Variants in RALGAPA2 observed in about 807,000 individuals in gnomAD.
RALGAPA2 encodes the protein ral GTPase-activating protein subunit alpha-2.
Under a neutral mutation model 230.4 loss-of-function variants are expected in RALGAPA2, and 139 were observed. The observed-to-expected ratio is 0.60, with a 90% confidence interval of 0.53 to 0.69. The LOEUF (loss-of-function observed/expected upper bound fraction) is 0.69. Among genes scored for constraint, RALGAPA2 ranks in the 30% least tolerant of loss-of-function variants. RALGAPA2 has a pLI of 0.00. For synonymous variants in RALGAPA2, 847 were observed against 837.8 expected (o/e 1.01, Z -0.19); for missense variants, 2,163 against 2,276.0 (o/e 0.95, Z 1.01).
intron 10 of RALGAPA2, among the ~76,000 whole-genome samples, chr20:20,626,222 T>A (rs2066485848): frequency 6.6e-6 from 1 of 152,232 alleles, no homozygotes; most frequent in Admixed American, 6.5e-5. Flanking sequence ...TCACATTTTG[T>A]TTTCCATAAA....
chr20:20,540,852 C>G (rs2063623631), intron 24 of RALGAPA2, among the ~76,000 whole-genome samples: 1 of 151,380 alleles, frequency 6.6e-6, no homozygotes, highest in African/African-American at 2.4e-5. Flanking sequence ...CATATTGATC[C>G]TTATCAATAT....
intron 36 of RALGAPA2, among the ~76,000 whole-genome samples, chr20:20,476,939 A>G (rs1012858196): frequency 8.5e-5 from 13 of 152,166 alleles, no homozygotes; most frequent in Admixed American, 3.9e-4. Flanking sequence ...TAATCCAAAT[A>G]TAATGACAAG....
chr20:20,390,344 A>T lies in RALGAPA2; in HGVS notation c.*2945T>A, dbSNP rs2059584174. The T allele has an allele frequency of 6.6e-6, 1 of 152,224 alleles. No homozygotes were observed. Among genetic ancestry groups the T allele is most frequent in the Non-Finnish European group, 1.5e-5 (1 of 68,052 alleles). The allele number at this position is 152,224 out of a possible 1,614,324, so 9.4% of individuals were successfully genotyped here. On this transcript the variant is annotated 3_prime_UTR_variant, in exon 40 of 40. Transcript: ENST00000202677. ...TTTGTTGCTGAGGCAACCCAGGCTA[A>T]ATTTCTTCACTTCTGTCTGCTGAAG...
At chr20:20,500,022 T>C (rs1051992650) in intron 35 of RALGAPA2, among the ~76,000 whole-genome samples, 2 of 152,234 alleles carry the variant, frequency 1.3e-5, no homozygotes, top group African/African-American at 2.4e-5. Flanking sequence ...AAATGTGCAA[T>C]AGCATTATTT....
In RALGAPA2 at chr20:20,621,761, G is replaced by A. The variant is rs577949453; in HGVS notation, c.1234-1131C>T. Among the ~76,000 whole-genome samples, 4 of 152,228 alleles carry A rather than the reference G, an allele frequency of 2.6e-5. No individual in the cohort carries two copies. In the East Asian group the frequency reaches 5.8e-4, roughly 22 times the overall value. On this transcript the variant is annotated intron_variant, in intron 10 of 39. Transcript: ENST00000202677. ...TAAAGGAGAAATGCATTTGCTTTTC[G>A]CTTATCAGTTTTAAGGACTATTTCT...
At chr20:20,428,585 G>A (rs994227891) in intron 37 of RALGAPA2, among the ~76,000 whole-genome samples, 2 of 152,108 alleles carry the variant, frequency 1.3e-5, no homozygotes, top group Non-Finnish European at 2.9e-5. Context: ...CATATGTGAG[G>A]CAGAATTGTA....
chr20:20,455,007 A>G (rs1455307337), intron 37 of RALGAPA2, among the ~76,000 whole-genome samples: 1 of 152,232 alleles, frequency 6.6e-6, no homozygotes, highest in Non-Finnish European at 1.5e-5. Flanking sequence ...TCTGTAATTC[A>G]CACATGCATA....
At position 20,412,246 on chromosome 20, in the gene RALGAPA2, T is replaced by TA. The variant is rs1569373182; in HGVS notation, c.5496-99dup. ...ATACCGTTGTGCAATTTTTTCTGTG[T>TA]AAAAAAGTATCCTGCAGGTTCTTTA... On this transcript the variant is annotated intron_variant, in intron 37 of 39. Coordinates refer to ENST00000202677, the MANE Select transcript of RALGAPA2 (RefSeq NM_020343.4). 14 of 1,470,710 alleles carry TA rather than the reference T, an allele frequency of 9.5e-6. No homozygotes were observed. The South Asian group carries it at 1.6e-4, about 16-fold the overall frequency. 91.1% of individuals were successfully genotyped at this position (1,470,710 alleles called of 1,614,324 possible).
At position 20,605,174 on chromosome 20, in the gene RALGAPA2, C is replaced by G. The variant is rs749714114; in HGVS notation, c.2038+1G>C. 6.3e-7 allele frequency: 1 copy of G among 1,594,298 alleles called. No homozygotes were observed. Among genetic ancestry groups the G allele is most frequent in the South Asian group, 1.1e-5 (1 of 89,380 alleles). ...GTGTTAACCTGGAAGAGTGGAAATA[C>G]CTTTGCCTCGTTGCTTCTTTTCCTT... On this transcript the variant is annotated splice_donor_variant, in intron 15 of 39. Transcript: ENST00000202677. LOFTEE classifies it high-confidence loss of function.
intron 13 of RALGAPA2, among the ~76,000 whole-genome samples, chr20:20,614,598 G>A (rs958392851): frequency 4.6e-5 from 7 of 152,202 alleles, no homozygotes; most frequent in Non-Finnish European, 1.0e-4. Context: ...AAGTTTAGAA[G>A]TCTGGGAAAG....
chr20:20,652,305 C>T (rs2067427595), intron 4 of RALGAPA2, among the ~76,000 whole-genome samples: 1 of 152,082 alleles, frequency 6.6e-6, no homozygotes, highest in Non-Finnish European at 1.5e-5. Flanking sequence ...CAAACTGCAC[C>T]TGTTCATCTT....
At chr20:20,603,648 GC>G (rs1002145019) in intron 15 of RALGAPA2, among the ~76,000 whole-genome samples, 2 of 152,184 alleles carry the variant, frequency 1.3e-5, no homozygotes, top group African/African-American at 4.8e-5. Context: ...CCTGCTGACA[GC>G]CAGTCAACCC....
intron 26 of RALGAPA2, among the ~76,000 whole-genome samples, chr20:20,532,336 A>C (rs1264929931): frequency 5.9e-5 from 9 of 152,254 alleles, no homozygotes; most frequent in Admixed American, 5.9e-4. Flanking sequence ...CAGAAAGCCG[A>C]CCATGCCATA....
At chr20:20,460,178 A>G (rs759861540) in intron 37 of RALGAPA2, among the ~76,000 whole-genome samples, 6 of 152,052 alleles carry the variant, frequency 3.9e-5, no homozygotes, top group Non-Finnish European at 8.8e-5. Context: ...GCGAGGGGCC[A>G]GGCCCTCCTC....
chr20:20,684,678 C>T lies in RALGAPA2; in HGVS notation c.107-3877G>A, dbSNP rs551228979. Among the ~76,000 whole-genome samples the T allele has an allele frequency of 1.2e-4, 19 of 152,266 alleles. No individual in the cohort carries two copies. In the South Asian group the frequency reaches 1.7e-3, roughly 13 times the overall value. ...TGAGAACTCCTCAGTGGTCTGGGCA[C>T]GCTCTTCACACAATTCCCCCTGACA... is the stretch of plus-strand genomic sequence containing the variant. On this transcript the variant is annotated intron_variant, in intron 1 of 39. Transcript: ENST00000202677.
chr20:20,396,639 C>A, intron 39 of RALGAPA2, 56 bp downstream of exon 39: 2 of 1,513,508 alleles, frequency 1.3e-6, no homozygotes, highest in Non-Finnish European at 1.8e-6. Context: ...TAGAAAAGTC[C>A]CACCCCCTCC....
intron 38 of RALGAPA2, among the ~76,000 whole-genome samples, chr20:20,400,465 T>C (rs1197351405): frequency 1.3e-5 from 2 of 152,112 alleles, no homozygotes; most frequent in African/African-American, 4.8e-5. Context: ...GGATCATTGG[T>C]AAAAAAAATT....
chr20:20,465,149 T>TCCCACACACACA (rs1556066770), intron 37 of RALGAPA2, among the ~76,000 whole-genome samples: 1 of 109,210 alleles, frequency 9.2e-6, no homozygotes, highest in Non-Finnish European at 1.8e-5. Flanking sequence ...CCGCAGGCCT[T>TCCCACACACACA]CACACACACA....
At chr20:20,571,661 G>A in intron 22 of RALGAPA2, 48 bp from the exon 23 acceptor site, 1 of 1,570,564 alleles carries the variant, frequency 6.4e-7, no homozygotes, top group Admixed American at 1.8e-5. Flanking sequence ...CAGGTGCAGA[G>A]TATTTCAACA....
Sources: allele counts gnomAD v4.1 joint callset (sites outside exome capture counted in the v4.1 genomes callset), GRCh38; gene constraint gnomAD v4.1.1; transcripts MANE v1.5; gene names NCBI Gene and HGNC (gene_info 2026-07-23, HGNC 2026-07-21).